Variants in DIP2A observed in about 807,000 individuals in gnomAD.
DIP2A encodes disco-interacting protein 2 homolog A.
In DIP2A, 85 loss-of-function variants were observed where a neutral mutation model predicts 177.4. The ratio of observed to expected loss-of-function variants is 0.48; its 90% CI spans 0.40 to 0.57. DIP2A has a LOEUF of 0.57. Among genes scored for constraint, DIP2A ranks in the 20% least tolerant of loss-of-function variants. The pLI is 0.00. For synonymous variants in DIP2A, 886 were observed against 881.8 expected, an observed-to-expected ratio of 1.00 and a Z score of -0.08; for missense variants, 1,791 against 2,100.2, an observed-to-expected ratio of 0.85 and a Z score of 2.88.
At chr21:46,522,369 G>A (rs2058859683) in intron 8 of DIP2A, among the ~76,000 whole-genome samples, 1 of 152,168 alleles carries the variant, frequency 6.6e-6, no homozygotes, top group African/African-American at 2.4e-5. Context: ...CTGGCTTCAG[G>A]GTGGAGCTCT....
chr21:46,534,694 G>C lies in DIP2A; in HGVS notation c.1642+7G>C, dbSNP rs778954756. 6.2e-7 allele frequency: 1 copy of C among 1,604,032 alleles called. No individual in the cohort carries two copies. Among genetic ancestry groups the C allele is most frequent in the Admixed American group, 1.7e-5 (1 of 59,724 alleles). On this transcript the variant is annotated splice_region_variant and intron_variant, in intron 13 of 37. Transcript: ENST00000417564. ...GCGTGCGGGTACTCAGAAGGTAAGG[G>C]CTCTCGGGGGTGGGGCGGTGGCCCC...
chr21:46,556,890 C>T lies in DIP2A; in HGVS notation c.3499-49C>T. On this transcript the variant is annotated intron_variant, in intron 29 of 37. Transcript: ENST00000417564. This position sits in a 1 kb window ranked among gnomAD's most constrained non-coding sequence, Gnocchi z 4.5. ...GACACTGCCATCCACCCTCTCCCCT[C>T]CTGAATTTCATTTCACTTTTTTTTT... 6.7e-7 allele frequency: 1 copy of T among 1,490,670 alleles called. No individual in the cohort carries two copies. The highest frequency in any genetic ancestry group is 9.0e-7 in the Non-Finnish European group (1 of 1,113,022). The allele number at this position is 1,490,670 out of a possible 1,614,324, so 92.3% of individuals were successfully genotyped here. A position where few individuals can be genotyped will look rare whatever the true frequency, so the allele number is the denominator to read the frequency against.
Position 46,538,398 on chromosome 21 carries a change from G to T in DIP2A, c.1802-85G>T, listed in dbSNP as rs569341030. ...TCTGTCTGTGCATGTACACCTCTCT[G>T]TGGGATGAGGTACACGTGTCTGTAG... On this transcript the variant is annotated intron_variant, in intron 15 of 37. Coordinates refer to ENST00000417564, the MANE Select transcript of DIP2A (RefSeq NM_015151.4). The T allele has an allele frequency of 7.4e-6, 11 of 1,486,184 alleles. No individual in the cohort carries two copies. In the South Asian group the frequency reaches 1.3e-4, roughly 18 times the overall value. 92.1% of individuals were successfully genotyped at this position (1,486,184 alleles called of 1,614,324 possible). A position where few individuals can be genotyped will look rare whatever the true frequency, so the allele number is the denominator to read the frequency against.
chr21:46,503,154 C>T lies in DIP2A; in HGVS notation c.656-1207C>T, dbSNP rs190412774. Among the ~76,000 whole-genome samples the T allele has an allele frequency of 1.7e-3, 256 of 152,132 alleles. 3 individuals are homozygous for T. The highest frequency in any genetic ancestry group is 5.8e-3 in the African/African-American group (240 of 41,516). On this transcript the variant is annotated intron_variant, in intron 5 of 37. Transcript: ENST00000417564. ...CTTGGCCAATATGGTGAAAACCCGT[C>T]TCTACTAAAAATACAAAAATTGGCT... is the stretch of plus-strand genomic sequence containing the variant.
chr21:46,477,762 T>TG (rs58686105), intron 1 of DIP2A, among the ~76,000 whole-genome samples: 51,150 of 150,212 alleles, frequency 0.34, 9,184 homozygotes, highest in Middle Eastern at 0.43. Context: ...TGTTTTTTTT[T>TG]TGGTAGAGGC....
At position 46,566,681 on chromosome 21, in the gene DIP2A, G is replaced by T; in HGVS notation, c.4461G>T (p.Glu1487Asp). 1 of 1,614,164 alleles carries T rather than the reference G, an allele frequency of 6.2e-7. No homozygotes were observed. Among genetic ancestry groups the T allele is most frequent in the Non-Finnish European group, 8.5e-7 (1 of 1,180,002 alleles). Reference sequence around the variant, plus strand: ...TCCGAGCACACAGGAGCATCGCTGAGTGGTAAGAGCCCAGGTGGAGGGCGG... The same window carrying T: ...TCCGAGCACACAGGAGCATCGCTGATTGGTAAGAGCCCAGGTGGAGGGCGG... ...SVIRAHRSIA[E>D]CAVFTWTNLL... Residue 1487 changes from glutamate (E) to aspartate (D), a missense_variant and splice_region_variant, in exon 37 of 38, where the codon GAG (glutamate) becomes GAT (aspartate). Coordinates refer to ENST00000417564, the MANE Select transcript of DIP2A (RefSeq NM_015151.4).
chr21:46,460,196 T>TAA (rs528819593), intron 1 of DIP2A, among the ~76,000 whole-genome samples: 1 of 145,644 alleles, frequency 6.9e-6, no homozygotes, highest in Non-Finnish European at 1.5e-5. Flanking sequence ...TTTTTTAAAG[T>TAA]AAAAAAAAAA....
chr21:46,465,260 A>G (rs1305650337), intron 1 of DIP2A, among the ~76,000 whole-genome samples: 1 of 151,978 alleles, frequency 6.6e-6, no homozygotes, highest in Admixed American at 6.6e-5. Flanking sequence ...CCTAGGTAAT[A>G]TTTCAGCTGT....
At chr21:46,523,476 A>T (rs2148700552) in intron 8 of DIP2A, among the ~76,000 whole-genome samples, 1 of 129,254 alleles carries the variant, frequency 7.7e-6, no homozygotes, top group East Asian at 2.3e-4. Context: ...TGAACCCCTG[A>T]TCTTGTGATC....
intron 1 of DIP2A, among the ~76,000 whole-genome samples, chr21:46,461,271 C>CAAGAAAAA (rs2054279417): frequency 2.0e-5 from 1 of 49,312 alleles, no homozygotes; most frequent in African/African-American, 8.5e-5. Context: ...CTCTTCTCAC[C>CAAGAAAAA]AAAAAAAAAA....
chr21:46,565,860 C>T lies in DIP2A; in HGVS notation c.4312C>T (p.Arg1438Ter), dbSNP rs1569122960. ...GACCGGCTACCTTGGCTTCCTTCGG[C>T]GAACAGAGCTCACTGATGCCAGTGG... ...ARTGYLGFLR[R>*]TELTDASGGR... is the part of the protein sequence containing the mutation. The change falls in exon 36 of 38, where the codon CGA (arginine) becomes TGA (stop). Residue 1438 changes from arginine (R) to a stop codon, truncating the protein, a stop_gained. Coordinates refer to ENST00000417564, the MANE Select transcript of DIP2A (RefSeq NM_015151.4). LOFTEE classifies it high-confidence loss of function. 6 of 1,613,832 alleles carry T rather than the reference C, an allele frequency of 3.7e-6. No homozygotes were observed. Among genetic ancestry groups the T allele is most frequent in the Non-Finnish European group, 5.1e-6 (6 of 1,179,896 alleles).
chr21:46,550,786 T>C (rs2148866630), intron 23 of DIP2A, 42 bp downstream of exon 23: 1 of 1,596,780 alleles, frequency 6.3e-7, no homozygotes, highest in Non-Finnish European at 8.6e-7. Flanking sequence ...AGTCTAACAG[T>C]GGTAACAGCG....
At chr21:46,545,826 T>G in intron 19 of DIP2A, 55 bp from the exon 20 acceptor site, 1 of 1,591,370 alleles carries the variant, frequency 6.3e-7, no homozygotes, top group Non-Finnish European at 8.6e-7. Flanking sequence ...TGGGTCTTTT[T>G]GGCCAGTTGG....
rs1162872343 is a variant in DIP2A at position 46,528,527 on chromosome 21, CTTTTTTTTTTTTTTTTTTTTTTT to C, written c.1103-546_1103-524del. On this transcript the variant is annotated intron_variant, in intron 8 of 37. Transcript: ENST00000417564. Reference sequence around the variant, plus strand: ...ACCAAATACTGACTTTTTCTGCTTGCTTTTTTTTTTTTTTTTTTTTTTTTTTTTTTTTTTTTTTTTTAGATAAT... The same window carrying C: ...ACCAAATACTGACTTTTTCTGCTTGCTTTTTTTTTTTTTTTTTTAGATAAT... 2.3e-3 allele frequency among the ~76,000 whole-genome samples: 68 copies of C among 29,408 alleles called. 2 individuals carry two copies. In the East Asian group the frequency reaches 0.061, roughly 26 times the overall value. The allele number at this position is 29,408 out of a possible 152,430, so 19.3% of individuals were successfully genotyped here.
chr21:46,489,864 T>G (rs1219861012), intron 2 of DIP2A, among the ~76,000 whole-genome samples: 1 of 152,210 alleles, frequency 6.6e-6, no homozygotes, highest in Non-Finnish European at 1.5e-5. Flanking sequence ...CTGTTCCCCA[T>G]TCCTTCGCTC....
intron 7 of DIP2A, among the ~76,000 whole-genome samples, chr21:46,510,127 A>G (rs1429158842): frequency 6.6e-5 from 10 of 152,256 alleles, no homozygotes; most frequent in Admixed American, 4.6e-4. Context: ...ACAGTAAGCC[A>G]TCTGCAAGCT....
intron 5 of DIP2A, among the ~76,000 whole-genome samples, chr21:46,499,984 T>G (rs2057561603): frequency 6.6e-6 from 1 of 152,234 alleles, no homozygotes; most frequent in African/African-American, 2.4e-5. Flanking sequence ...CGCTGGTGTT[T>G]GTGCTGGGGT....
At chr21:46,461,664 T>G (rs978516759) in intron 1 of DIP2A, among the ~76,000 whole-genome samples, 2 of 152,208 alleles carry the variant, frequency 1.3e-5, no homozygotes, top group Non-Finnish European at 2.9e-5. Context: ...TATTGTCATC[T>G]TAGAGATATG....
chr21:46,571,167 C>G (rs1025147571), downstream of DIP2A, among the ~76,000 whole-genome samples: 1 of 152,210 alleles, frequency 6.6e-6, no homozygotes, highest in Non-Finnish European at 1.5e-5. Flanking sequence ...TATGAACTAA[C>G]TGCACGTGCC....
Sources: gnomAD v4.1 joint callset for allele counts (sites outside exome capture counted in the v4.1 genomes callset) on GRCh38, gnomAD v4.1.1 for gene constraint, Gnocchi (gnomAD v3.1) non-coding constraint, MANE v1.5 for transcripts, NCBI Gene and HGNC (gene_info 2026-07-23, HGNC 2026-07-21) for gene names.